RMND1: variants seen among roughly 807,000 people sequenced by gnomAD.
RMND1 encodes the protein required for meiotic nuclear division protein 1 homolog.
A neutral mutation model predicts 54.0 loss-of-function variants in RMND1; 41 were observed. The ratio of observed to expected loss-of-function variants is 0.76; its 90% CI spans 0.59 to 0.98. The LOEUF is 0.98. Ranked by LOEUF, RMND1 falls within the 50% of genes least tolerant of loss-of-function variation. RMND1 has a pLI of 0.00. For synonymous variants in RMND1, 183 were observed against 181.7 expected (o/e 1.01, Z -0.06); for missense variants, 457 against 532.0 (o/e 0.86, Z 1.39).
chr6:151,437,738 C>T (rs1470778952), intron 2 of RMND1, among the ~76,000 whole-genome samples: 3 of 152,048 alleles, frequency 2.0e-5, no homozygotes, highest in African/African-American at 7.2e-5. Flanking sequence ...TCATTCCTTC[C>T]TCCCACCTCC....
At chr6:151,412,106 A>G (rs917247168) in intron 10 of RMND1, among the ~76,000 whole-genome samples, 1 of 151,818 alleles carries the variant, frequency 6.6e-6, no homozygotes, top group African/African-American at 2.4e-5. Flanking sequence ...GGTTCAAGCG[A>G]TTTTCCTGCC....
rs531105406 is a variant in RMND1, at chr6:151,430,739, G to C, written c.690-562C>G. On this transcript the variant is annotated intron_variant, in intron 4 of 11. Coordinates refer to ENST00000444024, the MANE Select transcript of RMND1 (RefSeq NM_017909.4). ...GATTATGGCTTTAACATTATTTAGGGTCTAAAACTACGAATGCATTTGTTT... is the reference window on the plus strand; with the variant it reads ...GATTATGGCTTTAACATTATTTAGGCTCTAAAACTACGAATGCATTTGTTT... 9.3e-4 allele frequency among the ~76,000 whole-genome samples: 141 copies of C among 152,278 alleles called. 2 individuals are homozygous for C. Among genetic ancestry groups the C allele is most frequent in the South Asian group, 5.6e-3 (27 of 4,830 alleles).
At chr6:151,422,899 T>TACCATGGGTAGCTCTGCAGATAGGGC (rs1780196121) in intron 7 of RMND1, among the ~76,000 whole-genome samples, 1 of 152,126 alleles carries the variant, frequency 6.6e-6, no homozygotes, top group South Asian at 2.1e-4. Flanking sequence ...TACACCTTGA[T>TACCATGGGTAGCTCTGCAGATAGGGC]ACCATGGGTA....
At chr6:151,450,403 T>TG (rs1409501441) in intron 1 of RMND1, among the ~76,000 whole-genome samples, 10 of 122,680 alleles carry the variant, frequency 8.2e-5, no homozygotes, top group African/African-American at 2.9e-4. Flanking sequence ...GGGAGGGAGG[T>TG]GGGGGTCAGC....
intron 11 of RMND1, 83 bp downstream of exon 11, chr6:151,405,637 T>A: frequency 1.4e-6 from 1 of 709,632 alleles, no homozygotes. Flanking sequence ...AATAATTTTC[T>A]ATCTCAAACT....
intron 11 of RMND1, 37 bp downstream of exon 11, chr6:151,405,683 T>C (rs200137938): frequency 8.6e-5 from 86 of 1,005,764 alleles, no homozygotes; most frequent in East Asian, 7.2e-5. Context: ...TGTGAAAAGA[T>C]GGTAACTGAT....
intron 10 of RMND1, chr6:151,411,989 C>T (rs1234111078): frequency 6.6e-6 from 1 of 152,164 alleles, no homozygotes; most frequent in African/African-American, 2.4e-5. Flanking sequence ...CATCCCCTAC[C>T]CTCGAGCGTA....
At chr6:151,445,916 G>T in intron 1 of RMND1, 91 bp from the exon 2 acceptor site, 1 of 1,195,726 alleles carries the variant, frequency 8.4e-7, no homozygotes, top group Non-Finnish European at 1.1e-6. Context: ...ATTTCTGTTA[G>T]AAAAATTTGT....
At chr6:151,407,161 A>C (rs1272558443) in intron 10 of RMND1, among the ~76,000 whole-genome samples, 1 of 151,882 alleles carries the variant, frequency 6.6e-6, no homozygotes, top group Non-Finnish European at 1.5e-5. Context: ...CTCCAAAAAA[A>C]AACTGTCTTA....
At chr6:151,407,338 G>A (rs1426286788) in intron 10 of RMND1, among the ~76,000 whole-genome samples, 3 of 151,592 alleles carry the variant, frequency 2.0e-5, no homozygotes, top group African/African-American at 7.3e-5. Flanking sequence ...CTTTCTTAAT[G>A]TCTGTTTCTA....
At chr6:151,444,788 G>C (rs1780902171) in intron 2 of RMND1, among the ~76,000 whole-genome samples, 1 of 152,030 alleles carries the variant, frequency 6.6e-6, no homozygotes, top group Admixed American at 6.5e-5. Flanking sequence ...AACCCCTTAA[G>C]GATGAATAAA....
At chr6:151,414,775 C>CAG (rs1779951126) in intron 10 of RMND1, among the ~76,000 whole-genome samples, 1 of 152,072 alleles carries the variant, frequency 6.6e-6, no homozygotes, top group South Asian at 2.1e-4. Flanking sequence ...AAGAAGTGAA[C>CAG]AGAGCCTCAA....
At chr6:151,450,742 G>A (rs1772603851) in intron 1 of RMND1, among the ~76,000 whole-genome samples, 2 of 151,782 alleles carry the variant, frequency 1.3e-5, no homozygotes, top group East Asian at 2.0e-4. Context: ...TGACAATGGC[G>A]GTTTTGTGTA....
intron 10 of RMND1, among the ~76,000 whole-genome samples, chr6:151,412,909 A>AC (rs957379624): frequency 1.4e-4 from 21 of 151,714 alleles, no homozygotes; most frequent in South Asian, 1.3e-3. Flanking sequence ...TGATCCAGTC[A>AC]CCCCCCCACC....
chr6:151,415,920 G>C (rs1337407797), intron 10 of RMND1, among the ~76,000 whole-genome samples: 1 of 152,118 alleles, frequency 6.6e-6, no homozygotes, highest in East Asian at 1.9e-4. Context: ...CGGGTAGGGG[G>C]AGGGCAGTGT....
chr6:151,431,687 C>T (rs1467299908), intron 4 of RMND1, among the ~76,000 whole-genome samples: 3 of 151,988 alleles, frequency 2.0e-5, no homozygotes, highest in African/African-American at 7.2e-5. Context: ...TGTAAGTGTA[C>T]AATACACAGC....
Position 151,411,100 on chromosome 6 carries a change from C to A in RMND1, c.1201-5264G>T, listed in dbSNP as rs142185012. Among the ~76,000 whole-genome samples, 556 of 152,252 alleles carry A rather than the reference C, an allele frequency of 3.7e-3. 4 individuals carry two copies. Among genetic ancestry groups the A allele is most frequent in the African/African-American group, 0.013 (542 of 41,538 alleles). On this transcript the variant is annotated intron_variant, in intron 10 of 11. Transcript: ENST00000444024. Reference sequence around the variant, plus strand: ...TCAGCCCCTCAAGTACCTGGGATCACAGGCATGCACCACCAGGCCCGGCTA... The same window carrying A: ...TCAGCCCCTCAAGTACCTGGGATCAAAGGCATGCACCACCAGGCCCGGCTA...
At chr6:151,432,028 C>T (rs1405200381) in intron 4 of RMND1, among the ~76,000 whole-genome samples, 1 of 147,788 alleles carries the variant, frequency 6.8e-6, no homozygotes, top group Non-Finnish European at 1.5e-5. Flanking sequence ...CATCGCCTCC[C>T]GCATTCAAGT....
chr6:151,425,218 C>T (rs1332514822), intron 6 of RMND1, among the ~76,000 whole-genome samples: 2 of 152,186 alleles, frequency 1.3e-5, no homozygotes, highest in African/African-American at 4.8e-5. Flanking sequence ...GTTGGGATTA[C>T]AGGCATGAGC....
Sources: gnomAD v4.1 joint callset for allele counts (sites outside exome capture counted in the v4.1 genomes callset) on GRCh38, gnomAD v4.1.1 for gene constraint, MANE v1.5 for transcripts, NCBI Gene and HGNC (gene_info 2026-07-23, HGNC 2026-07-21) for gene names.